Variants in STEAP4 observed in about 807,000 individuals in gnomAD.
The protein encoded by STEAP4 is metalloreductase STEAP4.
A neutral mutation model predicts 43.6 loss-of-function variants in STEAP4; 36 were observed. That is an observed-to-expected ratio of 0.83 (90% CI 0.63 to 1.09). The LOEUF (loss-of-function observed/expected upper bound fraction) is 1.09. STEAP4 is among the 50% of genes least tolerant of loss of function. The pLI, the probability that STEAP4 is intolerant of heterozygous loss-of-function variation, is 0.00. For missense variants in STEAP4, 495 were observed against 546.5 expected, an observed-to-expected ratio of 0.91 and a Z score of 0.94; for synonymous variants, 191 against 196.7, an observed-to-expected ratio of 0.97 and a Z score of 0.24.
chr7:88,277,850 A>C lies in STEAP4; in HGVS notation c.*1548T>G, dbSNP rs764827970. ...ACTCCAGCCTGAGCGACAGAGCAAG[A>C]CTGTCTCAAAAAAATAAAAAAGAAA... is the stretch of plus-strand genomic sequence containing the variant. On this transcript the variant is annotated 3_prime_UTR_variant, in exon 5 of 5. Transcript: ENST00000380079. The C allele has an allele frequency of 6.6e-6, 1 of 152,112 alleles. No individual in the cohort carries two copies. The highest frequency in any genetic ancestry group is 1.5e-5 in the Non-Finnish European group (1 of 68,024). 9.4% of individuals were successfully genotyped at this position (152,112 alleles called of 1,614,324 possible).
At chr7:88,301,856 G>A (rs960476811) in intron 1 of STEAP4, among the ~76,000 whole-genome samples, 7 of 152,232 alleles carry the variant, frequency 4.6e-5, no homozygotes, top group South Asian at 2.1e-4. Context: ...GATTACAGGC[G>A]TGAGCCGCCG....
Position 88,276,325 on chromosome 7 carries a change from G to A in STEAP4, c.*3073C>T, listed in dbSNP as rs1689857405. On this transcript the variant is annotated 3_prime_UTR_variant, in exon 5 of 5. Coordinates refer to ENST00000380079, the MANE Select transcript of STEAP4 (RefSeq NM_024636.4). ...CTCTTTTGCTTATCCCTGAAGGGAA[G>A]TATTTTTAGTCCCAGATGCTGGAAC... 6.6e-6 allele frequency: 1 copy of A among 152,336 alleles called. No individual in the cohort carries two copies. Among genetic ancestry groups the A allele is most frequent in the East Asian group, 1.9e-4 (1 of 5,180 alleles). The allele number at this position is 152,336 out of a possible 1,614,324, so 9.4% of individuals were successfully genotyped here. A position where few individuals can be genotyped will look rare whatever the true frequency, so the allele number is the denominator to read the frequency against.
At chr7:88,302,425 A>G (rs972991812) in intron 1 of STEAP4, among the ~76,000 whole-genome samples, 9 of 152,308 alleles carry the variant, frequency 5.9e-5, no homozygotes, top group African/African-American at 2.2e-4. Flanking sequence ...AGGGACTTGA[A>G]TCTGCCAGGA....
chr7:88,284,282 A>G lies in STEAP4; in HGVS notation c.-2-11T>C. ...AAGTTTTCTCCATAACTGAAAAATA[A>G]TAACACAAATGCCCAACAAAATATA... On this transcript the variant is annotated splice_polypyrimidine_tract_variant and intron_variant, in intron 1 of 4. Transcript: ENST00000380079. 1 of 1,527,564 alleles carries G rather than the reference A, an allele frequency of 6.5e-7. No homozygotes were observed. The highest frequency in any genetic ancestry group is 8.8e-7 in the Non-Finnish European group (1 of 1,133,722). The allele number at this position is 1,527,564 out of a possible 1,614,324, so 94.6% of individuals were successfully genotyped here. A position where few individuals can be genotyped will look rare whatever the true frequency, so the allele number is the denominator to read the frequency against.
rs1184376194 is a variant in STEAP4, at chr7:88,278,296, T to C, written c.*1102A>G. 6.6e-6 allele frequency: 1 copy of C among 152,210 alleles called. No homozygotes were observed. Among genetic ancestry groups the C allele is most frequent in the African/African-American group, 2.4e-5 (1 of 41,464 alleles). The allele number at this position is 152,210 out of a possible 1,614,324, so 9.4% of individuals were successfully genotyped here. A position where few individuals can be genotyped will look rare whatever the true frequency, so the allele number is the denominator to read the frequency against. On this transcript the variant is annotated 3_prime_UTR_variant, in exon 5 of 5. Transcript: ENST00000380079. ...TGAGAAAGATCCAAATTTCACATAA[T>C]GATGAATCTTCACACCTCTCTGCCC... is the stretch of plus-strand genomic sequence containing the variant.
At chr7:88,290,131 T>A (rs905328299) in intron 1 of STEAP4, among the ~76,000 whole-genome samples, 2 of 152,248 alleles carry the variant, frequency 1.3e-5, no homozygotes, top group Non-Finnish European at 2.9e-5. Context: ...TTTTGTTAAC[T>A]GAAATATTCT....
intron 1 of STEAP4, among the ~76,000 whole-genome samples, chr7:88,297,126 A>G (rs1852936598): frequency 6.6e-6 from 1 of 152,202 alleles, no homozygotes; most frequent in African/African-American, 2.4e-5. Context: ...TTCCTTCATC[A>G]GATATTTATT....
chr7:88,283,637 T>C, intron 2 of STEAP4, 177 bp downstream of exon 2: 1 of 696,852 alleles, frequency 1.4e-6, no homozygotes, highest in Non-Finnish European at 2.3e-6. Context: ...CAGTGGGAGA[T>C]ATAACAGTTG....
intron 4 of STEAP4, 91 bp downstream of exon 4, chr7:88,280,824 T>C: frequency 7.5e-7 from 1 of 1,331,238 alleles, no homozygotes; most frequent in Non-Finnish European, 1.0e-6. Flanking sequence ...TGTACCTGGG[T>C]TCAACATTTT....
Position 88,275,900 on chromosome 7 carries a change from GCTT to G in STEAP4, c.*3495_*3497del, listed in dbSNP as rs763377111. On this transcript the variant is annotated 3_prime_UTR_variant, in exon 5 of 5. Coordinates refer to ENST00000380079, the MANE Select transcript of STEAP4 (RefSeq NM_024636.4). ...AGTAGGGGCTTTCCATTTGCTTCCA[GCTT>G]CCTCCAGGTTGTCAGTCCTCTCTTT... is the stretch of plus-strand genomic sequence containing the variant. 2.0e-5 allele frequency: 3 copies of G among 152,196 alleles called. 1 individual carries two copies. The highest frequency in any genetic ancestry group is 4.1e-4 in the South Asian group (2 of 4,828). 9.4% of individuals were successfully genotyped at this position (152,196 alleles called of 1,614,324 possible). A position where few individuals can be genotyped will look rare whatever the true frequency, so the allele number is the denominator to read the frequency against.
chr7:88,282,184 T>G, intron 3 of STEAP4: 1 of 155,224 alleles, frequency 6.4e-6, no homozygotes, highest in Non-Finnish European at 1.4e-5. Context: ...AGTCTTGCTC[T>G]GTCACCCAGG....
Position 88,279,425 on chromosome 7 carries a change from C to A in STEAP4, c.1353G>T (p.Gln451His). Residue 451 changes from glutamine to histidine, a missense_variant, in exon 5 of 5, where the codon CAG becomes CAT. Gln to His is a conservative substitution (Grantham distance 24, BLOSUM62 0). Coordinates refer to ENST00000380079, the MANE Select transcript of STEAP4 (RefSeq NM_024636.4). The stretch of plus-strand genomic sequence containing the variant: ...AGTGTTTTGAGTTCCTTTCCCAGCC[C>A]TGGCGGATCCTTGTAAGGGTGTTGT... Reference protein sequence around the residue: ...CVDNTLTRIRQGWERNSKH With the variant: ...CVDNTLTRIRHGWERNSKH The A allele has an allele frequency of 6.2e-7, 1 of 1,614,110 alleles. No individual in the cohort carries two copies. Among genetic ancestry groups the A allele is most frequent in the East Asian group, 2.2e-5 (1 of 44,876 alleles).
chr7:88,282,607 A>C, intron 3 of STEAP4, 34 bp downstream of exon 3: 1 of 1,571,466 alleles, frequency 6.4e-7, no homozygotes, highest in South Asian at 1.1e-5. Flanking sequence ...CTCTGATTTC[A>C]GGAGCAGAAG....
Position 88,274,507 on chromosome 7 carries a change from G to T in STEAP4, c.*4891C>A, listed in dbSNP as rs1277686631. On this transcript the variant is annotated 3_prime_UTR_variant, in exon 5 of 5. Coordinates refer to ENST00000380079, the MANE Select transcript of STEAP4 (RefSeq NM_024636.4). ...GACTTTGCCTCGAGCTTGAGGAGAG[G>T]TAATGCATATGTTACCAGAAAGGGG... 1 of 152,102 alleles carries T rather than the reference G, an allele frequency of 6.6e-6. No individual in the cohort carries two copies. Among genetic ancestry groups the T allele is most frequent in the Non-Finnish European group, 1.5e-5 (1 of 68,020 alleles). The allele number at this position is 152,102 out of a possible 1,614,324, so 9.4% of individuals were successfully genotyped here. A position where few individuals can be genotyped will look rare whatever the true frequency, so the allele number is the denominator to read the frequency against.
rs993260069 is a variant in STEAP4, at chr7:88,271,293, A to T, written c.*8105T>A. The T allele has an allele frequency of 6.6e-6, 1 of 152,060 alleles. No individual in the cohort carries two copies. The highest frequency in any genetic ancestry group is 2.4e-5 in the African/African-American group (1 of 41,400). 9.4% of individuals were successfully genotyped at this position (152,060 alleles called of 1,614,324 possible). On this transcript the variant is annotated 3_prime_UTR_variant, in exon 5 of 5. Coordinates refer to ENST00000380079, the MANE Select transcript of STEAP4 (RefSeq NM_024636.4). The stretch of plus-strand genomic sequence containing the variant: ...ATATGAAAAGGTCTACAGTGCTTCT[A>T]CTCCTGTCACTACTCCTCTGTTCTC...
In STEAP4 at chr7:88,273,357, A is replaced by G. The variant is rs2115924624; in HGVS notation, c.*6041T>C. ...TTGACTTTCTAAAAATCATAAGGCC[A>G]AGTTTAATTCTGGGTTTCTATTTTA... On this transcript the variant is annotated 3_prime_UTR_variant, in exon 5 of 5. Coordinates refer to ENST00000380079, the MANE Select transcript of STEAP4 (RefSeq NM_024636.4). 6.6e-6 allele frequency: 1 copy of G among 152,328 alleles called. No homozygotes were observed. Among genetic ancestry groups the G allele is most frequent in the Non-Finnish European group, 1.5e-5 (1 of 68,024 alleles). The allele number at this position is 152,328 out of a possible 1,614,324, so 9.4% of individuals were successfully genotyped here. A position where few individuals can be genotyped will look rare whatever the true frequency, so the allele number is the denominator to read the frequency against.
chr7:88,287,628 G>A (rs1852759154), intron 1 of STEAP4, among the ~76,000 whole-genome samples: 1 of 152,126 alleles, frequency 6.6e-6, no homozygotes, highest in East Asian at 1.9e-4. Context: ...ATTATAGAGG[G>A]GATCGCAGAA....
chr7:88,283,342 G>GAGA lies in STEAP4; in HGVS notation c.457-175_457-174insTCT. ...AAGATGTTTTAAACTTGTATGTGGT[G>GAGA]TCTTAGATAGGTAAGTACCAGGGTT... On this transcript the variant is annotated intron_variant, in intron 2 of 4. Coordinates refer to ENST00000380079, the MANE Select transcript of STEAP4 (RefSeq NM_024636.4). 4 of 688,032 alleles carry GAGA rather than the reference G, an allele frequency of 5.8e-6. No individual in the cohort carries two copies. The South Asian group carries it at 1.1e-4, about 19-fold the overall frequency. 42.6% of individuals were successfully genotyped at this position (688,032 alleles called of 1,614,324 possible).
At chr7:88,283,265 G>A (rs41278773) in intron 2 of STEAP4, 97 bp from the exon 3 acceptor site, 219,553 of 1,250,814 alleles carry the variant, frequency 0.18, 20,972 homozygotes, top group Non-Finnish European at 0.2. Flanking sequence ...AAATGATGAC[G>A]TAAAACAGTG....
Sources: allele counts gnomAD v4.1 joint callset (sites outside exome capture counted in the v4.1 genomes callset), GRCh38; gene constraint gnomAD v4.1.1; transcripts MANE v1.5; gene names NCBI Gene and HGNC (gene_info 2026-07-23, HGNC 2026-07-21).